Variants in CCDC102B observed in about 807,000 individuals in gnomAD.
CCDC102B encodes the protein coiled-coil domain-containing protein 102B.
In CCDC102B, 75 loss-of-function variants were observed where a neutral mutation model predicts 57.4. The observed-to-expected ratio is 1.31, with a 90% CI of 1.08 to 1.58. The LOEUF is 1.58. Ranked by LOEUF, CCDC102B falls within the 40% of genes most tolerant of loss-of-function variation. The pLI, the probability that CCDC102B is intolerant of heterozygous loss-of-function variation, is 0.00. For missense variants in CCDC102B, 636 were observed against 582.6 expected, an observed-to-expected ratio of 1.09 and a Z score of -0.94; for synonymous variants, 206 against 201.9, an observed-to-expected ratio of 1.02 and a Z score of -0.17.
chr18:69,051,031 CGT>C (rs1419278437), intron 7 of CCDC102B, among the ~76,000 whole-genome samples: 1 of 152,022 alleles, frequency 6.6e-6, no homozygotes, highest in East Asian at 1.9e-4. Context: ...ACTACAGGCA[CGT>C]GCCACCAGGC....
At position 69,054,003 on chromosome 18, in the gene CCDC102B, C is replaced by T. The variant is rs770052240; in HGVS notation, c.1435-27C>T. 1.4e-4 allele frequency: 215 copies of T among 1,586,682 alleles called. No individual in the cohort carries two copies. The South Asian group carries it at 2.4e-3, about 18-fold the overall frequency. ...TGTACTATAGAACACTTGAACCTAA[C>T]TAAAGCATTTTCTACTTCGCTTTCA... On this transcript the variant is annotated intron_variant, in intron 7 of 7. Coordinates refer to ENST00000360242, the MANE Select transcript of CCDC102B (RefSeq NM_024781.3).
At chr18:68,784,766 C>CT (rs1311941028) in intron 2 of CCDC102B, among the ~76,000 whole-genome samples, 4 of 151,940 alleles carry the variant, frequency 2.6e-5, no homozygotes, top group Non-Finnish European at 5.9e-5. Context: ...AAACCTAGAT[C>CT]TTTTAGTACT....
intron 2 of CCDC102B, among the ~76,000 whole-genome samples, chr18:68,738,224 G>C (rs1473732346): frequency 1.3e-5 from 2 of 152,060 alleles, no homozygotes; most frequent in Non-Finnish European, 2.9e-5. Flanking sequence ...TATAAAGTGG[G>C]TATCTGAGAA....
intron 4 of CCDC102B, among the ~76,000 whole-genome samples, chr18:68,848,769 C>G (rs2037988418): frequency 1.3e-5 from 2 of 151,964 alleles, no homozygotes; most frequent in African/African-American, 4.8e-5. Flanking sequence ...TCTAGAGGAT[C>G]AAACATTCAT....
chr18:68,962,799 T>G (rs1405409117), intron 6 of CCDC102B, among the ~76,000 whole-genome samples: 1 of 152,056 alleles, frequency 6.6e-6, no homozygotes, highest in Non-Finnish European at 1.5e-5. Context: ...AATTCAGGCC[T>G]ATGTACTGTG....
intron 2 of CCDC102B, among the ~76,000 whole-genome samples, chr18:68,764,000 CT>C (rs766608642): frequency 3.9e-5 from 6 of 151,972 alleles, no homozygotes; most frequent in Non-Finnish European, 5.9e-5. Flanking sequence ...CTCCATTACC[CT>C]TACTTTTTTT....
rs182672233 is a variant in CCDC102B at position 68,929,605 on chromosome 18, G to C, written c.1263+32177G>C. Among the ~76,000 whole-genome samples, 22 of 151,964 alleles carry C rather than the reference G, an allele frequency of 1.4e-4. No homozygotes were observed. The South Asian group carries it at 2.7e-3, about 19-fold the overall frequency. ...TTTTCTCATTGCTTAAAAATTCCTGGTAGTTAGTGTGTCCAGTCATTTCAG... is the reference window on the plus strand; with the variant it reads ...TTTTCTCATTGCTTAAAAATTCCTGCTAGTTAGTGTGTCCAGTCATTTCAG... On this transcript the variant is annotated intron_variant, in intron 6 of 7. Transcript: ENST00000360242.
chr18:69,038,500 T>C (rs17080112), intron 7 of CCDC102B, among the ~76,000 whole-genome samples: 4,498 of 152,064 alleles, frequency 0.03, 147 homozygotes, highest in East Asian at 0.16. Flanking sequence ...ATAATTTTGA[T>C]ATTAACATTT....
rs559311107 is a variant in CCDC102B, at chr18:69,025,595, T to C, written c.1434+14491T>C. On this transcript the variant is annotated intron_variant, in intron 7 of 7. Coordinates refer to ENST00000360242, the MANE Select transcript of CCDC102B (RefSeq NM_024781.3). ...TACCAAGCAAGTCATATTTTATTTC[T>C]GGTGAAAGTTATAGATCATAAAGCA... Among the ~76,000 whole-genome samples the C allele has an allele frequency of 2.0e-5, 3 of 152,350 alleles. 1 individual carries two copies. The highest frequency in any genetic ancestry group is 4.1e-4 in the South Asian group (2 of 4,826).
At chr18:68,821,395 CTT>C (rs1310725472) in intron 1 of CCDC102B, among the ~76,000 whole-genome samples, 2 of 150,598 alleles carry the variant, frequency 1.3e-5, no homozygotes, top group African/African-American at 4.9e-5. Context: ...AATATAATAT[CTT>C]TATTAATATT....
chr18:68,853,883 C>T (rs1197042093), intron 4 of CCDC102B, among the ~76,000 whole-genome samples: 5 of 152,048 alleles, frequency 3.3e-5, no homozygotes, highest in Non-Finnish European at 5.9e-5. Context: ...ATCATATTTA[C>T]ATTCTGCCAG....
chr18:69,007,492 C>A (rs536974748), intron 6 of CCDC102B, among the ~76,000 whole-genome samples: 2 of 152,202 alleles, frequency 1.3e-5, no homozygotes, highest in Non-Finnish European at 2.9e-5. Flanking sequence ...TAAGTTATAT[C>A]CACTTTCCTA....
At chr18:68,860,167 T>C (rs2038667489) in intron 4 of CCDC102B, among the ~76,000 whole-genome samples, 1 of 71,898 alleles carries the variant, frequency 1.4e-5, no homozygotes, top group Non-Finnish European at 3.4e-5. Flanking sequence ...ATGGATGAAA[T>C]TGGAAACCAT....
intron 2 of CCDC102B, among the ~76,000 whole-genome samples, chr18:68,771,987 G>C (rs906556790): frequency 1.4e-4 from 21 of 151,866 alleles, no homozygotes; most frequent in Middle Eastern, 3.4e-3. Flanking sequence ...GTTTCCAAAT[G>C]TTTTAGAATT....
At chr18:68,790,515 G>A (rs1033590166) in intron 2 of CCDC102B, among the ~76,000 whole-genome samples, 1 of 152,172 alleles carries the variant, frequency 6.6e-6, no homozygotes, top group Non-Finnish European at 1.5e-5. Context: ...GAGCCAGGGC[G>A]GGATATAATC....
At position 68,918,642 on chromosome 18, in the gene CCDC102B, G is replaced by A. The variant is rs537651378; in HGVS notation, c.1263+21214G>A. 7.9e-5 allele frequency among the ~76,000 whole-genome samples: 12 copies of A among 152,282 alleles called. No homozygotes were observed. In the East Asian group the frequency reaches 1.5e-3, roughly 20 times the overall value. On this transcript the variant is annotated intron_variant, in intron 6 of 7. Transcript: ENST00000360242. Reference sequence around the variant, plus strand: ...GAAAGAGAGAGAGGGAACATGTCAAGAAACCTGAACAGAAGACATAATGAG... The same window carrying A: ...GAAAGAGAGAGAGGGAACATGTCAAAAAACCTGAACAGAAGACATAATGAG...
At chr18:68,866,022 C>T (rs1890562431) in intron 4 of CCDC102B, among the ~76,000 whole-genome samples, 1 of 151,988 alleles carries the variant, frequency 6.6e-6, no homozygotes, top group South Asian at 2.1e-4. Flanking sequence ...TTATTTCATT[C>T]TATCAGTAAG....
intron 7 of CCDC102B, among the ~76,000 whole-genome samples, chr18:69,017,489 T>A (rs2051703358): frequency 6.6e-6 from 1 of 152,206 alleles, no homozygotes; most frequent in Admixed American, 6.5e-5. Context: ...ATTACATTTA[T>A]TTTTAAATCT....
At chr18:68,933,108 A>AG (rs2041733417) in intron 6 of CCDC102B, among the ~76,000 whole-genome samples, 1 of 150,132 alleles carries the variant, frequency 6.7e-6, no homozygotes, top group African/African-American at 2.4e-5. Flanking sequence ...AAAAAAAAAA[A>AG]TATTAGGAAG....
Sources: allele counts gnomAD v4.1 joint callset (sites outside exome capture counted in the v4.1 genomes callset), GRCh38; gene constraint gnomAD v4.1.1; transcripts MANE v1.5; gene names NCBI Gene and HGNC (gene_info 2026-07-23, HGNC 2026-07-21).